The following RPTN variants were observed in gnomAD, a reference collection of about 807,000 sequenced individuals.
The protein encoded by RPTN is repetin.
RPTN carries 4 observed loss-of-function variants against 3.6 expected under a neutral mutation model. The observed-to-expected ratio is 1.12, with a 90% CI of 0.55 to 2.55. RPTN has a LOEUF of 2.55. Among genes scored for constraint, RPTN ranks in the 30% most tolerant of loss-of-function variants. RPTN has a pLI of 0.02. For synonymous variants in RPTN, 293 were observed against 319.3 expected, an observed-to-expected ratio of 0.92 and a Z score of 0.88; for missense variants, 860 against 916.7, an observed-to-expected ratio of 0.94 and a Z score of 0.80.
chr1:152,157,902 G>C lies in RPTN; in HGVS notation c.-13C>G. 3 of 1,613,190 alleles carry C rather than the reference G, an allele frequency of 1.9e-6. 1 individual carries two copies. The highest frequency in any genetic ancestry group is 2.2e-5 in the South Asian group (2 of 91,002). The stretch of plus-strand genomic sequence containing the variant: ...GGAGTTGAGCCATTTTGACAAGTAC[G>C]GGTGAACCTAAAAGAAGAAACAAGA... On this transcript the variant is annotated 5_prime_UTR_variant, in exon 2 of 3. Coordinates refer to ENST00000316073, the MANE Select transcript of RPTN (RefSeq NM_001122965.1).
At chr1:152,158,566 A>G (rs1339885141) in intron 1 of RPTN, among the ~76,000 whole-genome samples, 1 of 152,184 alleles carries the variant, frequency 6.6e-6, no homozygotes, top group Non-Finnish European at 1.5e-5. Flanking sequence ...AGATTATAGG[A>G]GGTATATATA....
chr1:152,158,704 C>A (rs1659252497), intron 1 of RPTN, among the ~76,000 whole-genome samples: 1 of 152,094 alleles, frequency 6.6e-6, no homozygotes, highest in Non-Finnish European at 1.5e-5. Context: ...AACTGAAGCC[C>A]TATCTGCAGA....
rs375710188 is a variant in RPTN, at chr1:152,156,615, C to A, written c.484G>T (p.Glu162Ter). 247 of 1,040,780 alleles carry A rather than the reference C, an allele frequency of 2.4e-4. No homozygotes were observed. The highest frequency in any genetic ancestry group is 2.7e-4 in the Non-Finnish European group (219 of 810,244). The allele number at this position is 1,040,780 out of a possible 1,614,324, so 64.5% of individuals were successfully genotyped here. The change falls in exon 3 of 3, where the codon GAG (glutamate) becomes TAG (stop). Residue 162 changes from glutamate (E) to a stop codon, truncating the protein, a stop_gained. Transcript: ENST00000316073. LOFTEE classifies it low-confidence loss of function (END_TRUNC). ...TGGTGGGAATCTCTGTCTTGTTTCTCAGACTGACCATGGTGGGAATCTCTG... is the reference window on the plus strand; with the variant it reads ...TGGTGGGAATCTCTGTCTTGTTTCTAAGACTGACCATGGTGGGAATCTCTG... The part of the protein sequence containing the change: ...QDRDSHHGQS[E>*]KQDRDSHHSQ...
rs752230416 is a variant in RPTN, at chr1:152,156,254, C to T, written c.845G>A (p.Gly282Asp). The T allele has an allele frequency of 6.2e-7, 1 of 1,614,184 alleles. No homozygotes were observed. The highest frequency in any genetic ancestry group is 8.5e-7 in the Non-Finnish European group (1 of 1,180,030). The change falls in exon 3 of 3, where the codon GGC (glycine) becomes GAC (aspartate). Residue 282 changes from glycine to aspartate, a missense_variant. By Grantham distance (94) the Gly-to-Asp change is moderately conservative. Transcript: ENST00000316073. ...GQSERLGQELGCGQTDRQGQS... is the reference protein window; with the variant it reads ...GQSERLGQELDCGQTDRQGQS... ...GCCTTGTCTGTCTGTCTGACCACAGCCTAATTCCTGACCTAGCCTCTCAGA... is the reference window on the plus strand; with the variant it reads ...GCCTTGTCTGTCTGTCTGACCACAGTCTAATTCCTGACCTAGCCTCTCAGA...
chr1:152,155,177 G>A lies in RPTN; in HGVS notation c.1922C>T (p.Ser641Leu). 6.2e-7 allele frequency: 1 copy of A among 1,614,178 alleles called. No individual in the cohort carries two copies. Among genetic ancestry groups the A allele is most frequent in the Non-Finnish European group, 8.5e-7 (1 of 1,180,020 alleles). ...CCATACCTGGTGGCCGTTCTGCTGT[G>A]AGTCCCTAGACTGGAATCCCTGTCC... is the stretch of plus-strand genomic sequence containing the variant. ...NQGQGFQSRD[S>L]QQNGHQVWEP... Residue 641 changes from serine to leucine, a missense_variant, in exon 3 of 3, where the codon TCA (serine) becomes TTA (leucine). Transcript: ENST00000316073.
rs1311752514 is a variant in RPTN at position 152,155,390 on chromosome 1, T to C, written c.1709A>G (p.His570Arg). ...GCCTTGTCTGTCTGTCTGACCATAA[T>C]GATAGCTCTGGCCTTGTCTGTCTGT... Reference protein sequence around the residue: ...GQTDRQGQSYHYGQTDRQGQS... With the variant: ...GQTDRQGQSYRYGQTDRQGQS... The change falls in exon 3 of 3, where the codon CAT becomes CGT. Residue 570 changes from histidine to arginine, a missense_variant. Transcript: ENST00000316073. 2.5e-6 allele frequency: 4 copies of C among 1,614,118 alleles called. No individual in the cohort carries two copies. Among genetic ancestry groups the C allele is most frequent in the Admixed American group, 1.7e-5 (1 of 60,030 alleles).
Position 152,156,820 on chromosome 1 carries a change from T to C in RPTN, c.279A>G (p.Ser93=). 6.2e-7 allele frequency: 1 copy of C among 1,614,232 alleles called. No individual in the cohort carries two copies. The stretch of plus-strand genomic sequence containing the variant: ...CTTGCTGTGAGGTCCTGCCTCCATG[T>C]GACTTATTGTCTAGCTTATGATAGC... ...QACYHKLDNK[S]HGGRTSQQER... The change falls in exon 3 of 3, where the codon TCA becomes TCG. Residue 93 remains serine (S), a synonymous_variant. Transcript: ENST00000316073.
Position 152,156,474 on chromosome 1 carries a change from T to G in RPTN, c.625A>C (p.Lys209Gln). The part of the protein sequence containing the change: ...RQSQDSSSGK[K>Q]VSHKSTSGQA... ...CCACTGGTAGATTTGTGACTCACTT[T>G]TTTACCAGAGCTGGAGTCTTGACTT... Residue 209 changes from lysine to glutamine, a missense_variant, in exon 3 of 3, where the codon AAA (lysine) becomes CAA (glutamine). By Grantham distance (53) the Lys-to-Gln change is moderately conservative. Coordinates refer to ENST00000316073, the MANE Select transcript of RPTN (RefSeq NM_001122965.1). 1 of 1,614,244 alleles carries G rather than the reference T, an allele frequency of 6.2e-7. No individual in the cohort carries two copies. Among genetic ancestry groups the G allele is most frequent in the Non-Finnish European group, 8.5e-7 (1 of 1,180,040 alleles).
At position 152,153,876 on chromosome 1, in the gene RPTN, G is replaced by A. The variant is rs1402201696; in HGVS notation, c.*868C>T. ...CATGGGAGATGTAGTAAACATCAGA[G>A]ATGCACTCTATGTTCTCGGCTCTTG... On this transcript the variant is annotated 3_prime_UTR_variant, in exon 3 of 3. Transcript: ENST00000316073. 6.6e-6 allele frequency: 1 copy of A among 152,610 alleles called. No individual in the cohort carries two copies. The highest frequency in any genetic ancestry group is 1.5e-5 in the Non-Finnish European group (1 of 68,040). 9.5% of individuals were successfully genotyped at this position (152,610 alleles called of 1,614,324 possible). A position where few individuals can be genotyped will look rare whatever the true frequency, so the allele number is the denominator to read the frequency against.
At position 152,155,236 on chromosome 1, in the gene RPTN, T is replaced by C; in HGVS notation, c.1863A>G (p.Gln621=). The C allele has an allele frequency of 6.2e-7, 1 of 1,614,252 alleles. No individual in the cohort carries two copies. The highest frequency in any genetic ancestry group is 1.1e-5 in the South Asian group (1 of 91,086). ...GGTACCCTTCCTGTCCTGGAGTCTG[T>C]TGACTTAGCCTCCCTGATCTTCCTG... ...EQSGRSGRLS[Q]QTPGQEGYQN... The change falls in exon 3 of 3, where the codon CAA becomes CAG. Residue 621 remains glutamine (Q), a synonymous_variant. Coordinates refer to ENST00000316073, the MANE Select transcript of RPTN (RefSeq NM_001122965.1).
intron 2 of RPTN, 149 bp from the exon 3 acceptor site, chr1:152,157,109 T>C: frequency 1.5e-6 from 1 of 666,812 alleles, no homozygotes; most frequent in Non-Finnish European, 2.5e-6. Context: ...GACTTGGCGC[T>C]AGTCTTTGAT....
At position 152,156,121 on chromosome 1, in the gene RPTN, G is replaced by A. The variant is rs565320155; in HGVS notation, c.978C>T (p.Gly326=). Residue 326 remains glycine, a synonymous_variant, in exon 3 of 3, where the codon GGC becomes GGT. Transcript: ENST00000316073. The stretch of plus-strand genomic sequence containing the variant: ...CTGGCTGACTGTAGTGGGAACTCTG[G>A]CCTTGTCTGTCCGTCTGACTGTAGT... ...SSHYSQTDRQ[G]QSSHYSQPDR... is the part of the protein sequence containing the mutation. 127 of 1,613,054 alleles carry A rather than the reference G, an allele frequency of 7.9e-5. No homozygotes were observed. The South Asian group carries it at 1.3e-3, about 16-fold the overall frequency.
chr1:152,154,584 G>A lies in RPTN; in HGVS notation c.*160C>T, dbSNP rs1376145714. 24 of 1,013,470 alleles carry A rather than the reference G, an allele frequency of 2.4e-5. No homozygotes were observed. In the East Asian group the frequency reaches 2.9e-4, roughly 12 times the overall value. 62.8% of individuals were successfully genotyped at this position (1,013,470 alleles called of 1,614,324 possible). The stretch of plus-strand genomic sequence containing the variant: ...TGTCTTTTCTGTGAGCCTTGGCTCT[G>A]GTCATCCTCTTTCATGTGGAATTTT... On this transcript the variant is annotated 3_prime_UTR_variant, in exon 3 of 3. Coordinates refer to ENST00000316073, the MANE Select transcript of RPTN (RefSeq NM_001122965.1).
chr1:152,155,046 C>T lies in RPTN; in HGVS notation c.2053G>A (p.Glu685Lys). ...GTCTGGGCCTGTCTGTGGCCCTGCT[C>T]ACTACTGCATGATTGCCAGTCTCTC... ...KGRDWQSCSSEQGHRQAQTRQ... is the reference protein window; with the variant it reads ...KGRDWQSCSSKQGHRQAQTRQ... Residue 685 changes from glutamate (E) to lysine (K), a missense_variant, in exon 3 of 3, where the codon GAG becomes AAG. By Grantham distance (56) the Glu-to-Lys change is moderately conservative. Coordinates refer to ENST00000316073, the MANE Select transcript of RPTN (RefSeq NM_001122965.1). The T allele has an allele frequency of 1.9e-6, 3 of 1,614,180 alleles. No individual in the cohort carries two copies. Among genetic ancestry groups the T allele is most frequent in the Non-Finnish European group, 1.7e-6 (2 of 1,180,014 alleles).
At chr1:152,157,705 A>T in intron 2 of RPTN, 47 bp downstream of exon 2, 1 of 1,603,460 alleles carries the variant, frequency 6.2e-7, no homozygotes, top group Non-Finnish European at 8.5e-7. Flanking sequence ...CAGGTGTCAG[A>T]GTCATTCACA....
At position 152,156,359 on chromosome 1, in the gene RPTN, GT is replaced by G; in HGVS notation, c.739del (p.Thr247HisfsTer31). The G allele has an allele frequency of 1.2e-6, 2 of 1,614,242 alleles. No individual in the cohort carries two copies. The highest frequency in any genetic ancestry group is 2.2e-5 in the South Asian group (2 of 91,092). ...DSHYGQSERHTQQSETLGQAS... is the reference protein window; with the variant it reads ...DSHYGQSERHXQQSETLGQAS... The stretch of plus-strand genomic sequence containing the variant: ...TTGTCCAAGTGTTTCAGATTGTTGT[GT>G]ATGTCTTTCAGACTGACCATAATGA... On this transcript the variant is annotated frameshift_variant, in exon 3 of 3. Coordinates refer to ENST00000316073, the MANE Select transcript of RPTN (RefSeq NM_001122965.1). LOFTEE classifies it low-confidence loss of function (END_TRUNC).
In RPTN at chr1:152,156,871, C is replaced by T. The variant is rs201106227; in HGVS notation, c.228G>A (p.Leu76=). ...DGHIDFHEYL[L]LVFQLVQACY... ...AGGCTTGGACCAACTGGAACACCAA[C>T]AAGAGGTACTCATGAAAATCAATAT... Residue 76 remains leucine (L), a synonymous_variant, in exon 3 of 3, where the codon TTG becomes TTA. Transcript: ENST00000316073. 1.2e-6 allele frequency: 2 copies of T among 1,614,200 alleles called. 1 individual carries two copies. The highest frequency in any genetic ancestry group is 2.2e-5 in the South Asian group (2 of 91,086).
Position 152,155,380 on chromosome 1 carries a change from C to T in RPTN, c.1719G>A (p.Gln573=). ...DRQGQSYHYG[Q]TDRQGQSSHY... ...GGGAACTCTGGCCTTGTCTGTCTGT[C>T]TGACCATAATGATAGCTCTGGCCTT... The change falls in exon 3 of 3, where the codon CAG becomes CAA. Residue 573 remains glutamine (Q), a synonymous_variant. Coordinates refer to ENST00000316073, the MANE Select transcript of RPTN (RefSeq NM_001122965.1). 1 of 1,614,118 alleles carries T rather than the reference C, an allele frequency of 6.2e-7. No individual in the cohort carries two copies. The highest frequency in any genetic ancestry group is 8.5e-7 in the Non-Finnish European group (1 of 1,179,994).
rs1215362854 is a variant in RPTN, at chr1:152,155,274, A to G, written c.1825T>C (p.Tyr609His). ...QGTEGTRKAS[Y>H]VEQSGRSGRL... The stretch of plus-strand genomic sequence containing the variant: ...CCTGATCTTCCTGATTGTTCAACAT[A>G]AGAGGCTTTTCTTGTTCCTTCAGTC... The change falls in exon 3 of 3, where the codon TAT becomes CAT. Residue 609 changes from tyrosine to histidine, a missense_variant. Transcript: ENST00000316073. 1.7e-5 allele frequency: 27 copies of G among 1,614,174 alleles called. No individual in the cohort carries two copies. Among genetic ancestry groups the G allele is most frequent in the Non-Finnish European group, 2.3e-5 (27 of 1,180,038 alleles).
Sources: gnomAD v4.1 joint callset for allele counts (sites outside exome capture counted in the v4.1 genomes callset) on GRCh38, gnomAD v4.1.1 for gene constraint, MANE v1.5 for transcripts, NCBI Gene and HGNC (gene_info 2026-07-23, HGNC 2026-07-21) for gene names.